The following AFF2 variants were observed in gnomAD, a reference collection of about 807,000 sequenced individuals.
The protein encoded by AFF2 is AF4/FMR2 family member 2.
A neutral mutation model predicts 76.9 loss-of-function variants in AFF2; 14 were observed. The observed-to-expected ratio is 0.18, with a 90% CI of 0.12 to 0.28. AFF2 has a LOEUF of 0.28. Among genes scored for constraint, AFF2 ranks in the 10% least tolerant of loss-of-function variants. The probability of loss-of-function intolerance (pLI) is 1.00; values close to 1 mark genes in which losing one functional copy is unlikely to be tolerated. For synonymous variants in AFF2, 398 were observed against 366.7 expected, an observed-to-expected ratio of 1.09 and a Z score of -0.98; for missense variants, 868 against 1,001.1, an observed-to-expected ratio of 0.87 and a Z score of 1.79.
chrX:148,847,452 ACTGAGCAGCTCCTGTGTTTTAAACCATG>A (rs1298731938), intron 7 of AFF2, among the ~76,000 whole-genome samples: 2 of 111,976 alleles, frequency 1.8e-5, no homozygotes, highest in Non-Finnish European at 3.8e-5. Flanking sequence ...CCCCCATTTA[ACTGAGCAGCTCCTGTGTTTTAAACCATG>A]CTGTCGAGAA....
intron 3 of AFF2, among the ~76,000 whole-genome samples, chrX:148,742,783 C>T (rs2055373582): frequency 8.9e-6 from 1 of 112,006 alleles, no homozygotes; most frequent in Non-Finnish European, 1.9e-5. Context: ...GTTATGTTCT[C>T]TATTCCTAGA....
intron 1 of AFF2, among the ~76,000 whole-genome samples, chrX:148,635,285 T>C (rs1304853494): frequency 1.3e-4 from 14 of 110,725 alleles, no homozygotes; most frequent in African/African-American, 4.6e-4. Flanking sequence ...AAGAGAGATC[T>C]GAAGATGCTG....
At chrX:148,627,167 G>T (rs1023055122) in intron 1 of AFF2, among the ~76,000 whole-genome samples, 1 of 112,219 alleles carries the variant, frequency 8.9e-6, no homozygotes, top group Admixed American at 9.4e-5. Context: ...GCTATACCAT[G>T]ATCCCGCCAT....
At chrX:148,652,200 T>C in intron 2 of AFF2, 69 bp downstream of exon 2, 1 of 867,580 alleles carries the variant, frequency 1.2e-6, no homozygotes, top group Non-Finnish European at 1.7e-6. Context: ...AACATTTAAT[T>C]TATGTTTAAA....
intron 3 of AFF2, among the ~76,000 whole-genome samples, chrX:148,796,885 T>G (rs12013628): frequency 0.03 from 3,244 of 106,530 alleles, 109 homozygotes; most frequent in African/African-American, 0.11. Context: ...ACCTCATACT[T>G]AACATGAAGC....
At chrX:148,723,182 T>C (rs1375552076) in intron 3 of AFF2, among the ~76,000 whole-genome samples, 1 of 111,949 alleles carries the variant, frequency 8.9e-6, no homozygotes, top group Non-Finnish European at 1.9e-5. Context: ...AGAAGGCCAA[T>C]TTAAATGTTC....
intron 2 of AFF2, among the ~76,000 whole-genome samples, chrX:148,658,402 G>A (rs1405046889): frequency 1.8e-5 from 2 of 111,683 alleles, no homozygotes; most frequent in African/African-American, 3.3e-5. Flanking sequence ...TAGTCTAAGG[G>A]AGATGACATC....
At chrX:148,792,431 C>T (rs187798892) in intron 3 of AFF2, among the ~76,000 whole-genome samples, 1 of 112,260 alleles carries the variant, frequency 8.9e-6, no homozygotes, top group Non-Finnish European at 1.9e-5. Context: ...CCAGCCTGGG[C>T]GATAAGAGCG....
chrX:148,820,895 C>T (rs910578375), intron 4 of AFF2, among the ~76,000 whole-genome samples: 2 of 111,444 alleles, frequency 1.8e-5, no homozygotes, highest in South Asian at 7.6e-4. Context: ...CAAACTGGAA[C>T]GTCTAAAGAG....
chrX:148,801,939 A>G (rs1355891894), intron 3 of AFF2, among the ~76,000 whole-genome samples: 1 of 111,256 alleles, frequency 9.0e-6, no homozygotes, highest in Non-Finnish European at 1.9e-5. Context: ...CGAGGATACA[A>G]ATCACCTAGA....
At chrX:148,765,825 G>C (rs1452341983) in intron 3 of AFF2, among the ~76,000 whole-genome samples, 5 of 105,766 alleles carry the variant, frequency 4.7e-5, no homozygotes, top group African/African-American at 1.7e-4. Context: ...TCTAGCATTA[G>C]GTATATCTCC....
intron 18 of AFF2, among the ~76,000 whole-genome samples, chrX:148,980,067 G>A (rs1399941932): frequency 8.9e-6 from 1 of 111,892 alleles, no homozygotes; most frequent in Non-Finnish European, 1.9e-5. Context: ...TGGTAATGCT[G>A]AATGTCAGTT....
At chrX:148,640,441 G>A (rs1251243387) in intron 1 of AFF2, among the ~76,000 whole-genome samples, 1 of 108,399 alleles carries the variant, frequency 9.2e-6, no homozygotes, top group African/African-American at 3.3e-5. Flanking sequence ...CATATTTTCA[G>A]TGGCACCATT....
intron 13 of AFF2, 137 bp from the exon 14 acceptor site, chrX:148,966,653 C>T: frequency 1.8e-6 from 2 of 1,091,339 alleles, no homozygotes; most frequent in Non-Finnish European, 2.4e-6. Flanking sequence ...TATTTATCCT[C>T]AAGCTGTGTG....
At chrX:148,952,052 G>A (rs1557286669) in intron 9 of AFF2, among the ~76,000 whole-genome samples, 1 of 111,935 alleles carries the variant, frequency 8.9e-6, no homozygotes, top group Non-Finnish European at 1.9e-5. Flanking sequence ...TAGGCCCTCT[G>A]CACTGAGTAG....
chrX:148,671,014 A>AT lies in AFF2; in HGVS notation c.1041+8255dup, dbSNP rs201667758. Among the ~76,000 whole-genome samples, 1,061 of 106,909 alleles carry AT rather than the reference A, an allele frequency of 9.9e-3. 15 individuals are homozygous for AT. Among genetic ancestry groups the AT allele is most frequent in the African/African-American group, 0.034 (1,008 of 29,273 alleles). 92.8% of individuals were successfully genotyped at this position (106,909 alleles called of 115,157 possible). On this transcript the variant is annotated intron_variant, in intron 3 of 20. Transcript: ENST00000370460. ...TCAAGTCCTCTTCTTTCTCCTATGT[A>AT]TTTTTTTTTCTTTTCTAAGGCTGTA...
chrX:148,554,567 G>C (rs144601911), intron 1 of AFF2, among the ~76,000 whole-genome samples: 1,442 of 112,193 alleles, frequency 0.013, 31 homozygotes, highest in African/African-American at 0.042. Flanking sequence ...TCTTCAATAA[G>C]TTTTCCAATA....
chrX:148,944,468 A>G (rs1557285919), intron 9 of AFF2, among the ~76,000 whole-genome samples: 2 of 111,017 alleles, frequency 1.8e-5, no homozygotes, highest in African/African-American at 6.5e-5. Flanking sequence ...GTTCACATCC[A>G]CTTGCCCGCC....
At chrX:148,644,251 G>A (rs781950371) in intron 1 of AFF2, among the ~76,000 whole-genome samples, 2 of 111,781 alleles carry the variant, frequency 1.8e-5, no homozygotes, top group African/African-American at 6.5e-5. Context: ...ATATGTGGAT[G>A]TGCCTCTCTG....
Sources: allele counts gnomAD v4.1 joint callset (sites outside exome capture counted in the v4.1 genomes callset), GRCh38; gene constraint gnomAD v4.1.1; transcripts MANE v1.5; gene names NCBI Gene and HGNC (gene_info 2026-07-23, HGNC 2026-07-21).